The following AGBL4 variants were observed in gnomAD, a reference collection of about 807,000 sequenced individuals.
AGBL4 encodes AGBL carboxypeptidase 4.
AGBL4 carries 58 observed loss-of-function variants against 66.4 expected under a neutral mutation model. The observed-to-expected ratio is 0.87, with a 90% CI of 0.71 to 1.09. AGBL4 has a LOEUF of 1.09. Among genes scored for constraint, AGBL4 ranks in the 50% least tolerant of loss-of-function variants. The pLI, the probability that AGBL4 is intolerant of heterozygous loss-of-function variation, is 0.00. For missense variants in AGBL4, 579 were observed against 631.0 expected (o/e 0.92, Z 0.88); for synonymous variants, 234 against 222.9 (o/e 1.05, Z -0.44).
At chr1:49,349,080 A>G (rs1447891389) in intron 3 of AGBL4, among the ~76,000 whole-genome samples, 1 of 152,220 alleles carries the variant, frequency 6.6e-6, no homozygotes, top group Non-Finnish European at 1.5e-5. Context: ...TTCACATGGC[A>G]TCCTCTGAGT....
Position 49,239,052 on chromosome 1 carries a change from C to T in AGBL4, c.377+6718G>A, listed in dbSNP as rs571004832. 2.6e-5 allele frequency among the ~76,000 whole-genome samples: 4 copies of T among 152,214 alleles called. No individual in the cohort carries two copies. In the South Asian group the frequency reaches 6.2e-4, roughly 24 times the overall value. On this transcript the variant is annotated intron_variant, in intron 4 of 13. Coordinates refer to ENST00000371839, the MANE Select transcript of AGBL4 (RefSeq NM_032785.4). ...ATGTCTACTCCATCATGTCCCGGAACCAGACTGTAATATTTTACCTTTTCT... is the reference window on the plus strand; with the variant it reads ...ATGTCTACTCCATCATGTCCCGGAATCAGACTGTAATATTTTACCTTTTCT...
At chr1:49,271,151 A>G (rs1644049027) in intron 3 of AGBL4, among the ~76,000 whole-genome samples, 1 of 152,132 alleles carries the variant, frequency 6.6e-6, no homozygotes, top group Non-Finnish European at 1.5e-5. Flanking sequence ...TTTGAAGGTA[A>G]CTATTTATTA....
intron 1 of AGBL4, among the ~76,000 whole-genome samples, chr1:49,976,875 A>G (rs1284793511): frequency 6.6e-6 from 1 of 152,146 alleles, no homozygotes; most frequent in Non-Finnish European, 1.5e-5. Context: ...CCATCCCTCT[A>G]AATAGTATGT....
rs569281800 is a variant in AGBL4 at position 49,005,937 on chromosome 1, G to A, written c.594+39647C>T. On this transcript the variant is annotated intron_variant, in intron 5 of 13. Coordinates refer to ENST00000371839, the MANE Select transcript of AGBL4 (RefSeq NM_032785.4). ...AATTGCTTGAACCTGAGAGGCAGAG[G>A]TTGCAGTGAGCCGAGACTGCACCAC... Among the ~76,000 whole-genome samples, 233 of 152,130 alleles carry A rather than the reference G, an allele frequency of 1.5e-3. 4 individuals carry two copies. The highest frequency in any genetic ancestry group is 5.4e-3 in the African/African-American group (226 of 41,504).
At chr1:48,539,075 T>G (rs1003204618) in intron 12 of AGBL4, among the ~76,000 whole-genome samples, 9 of 152,202 alleles carry the variant, frequency 5.9e-5, no homozygotes, top group African/African-American at 2.2e-4. Flanking sequence ...TGACCTTCTC[T>G]CCTCAGCAGC....
rs377061315 is a variant in AGBL4, at chr1:49,859,984, G to A, written c.35-8466C>T. ...TTAAAAATTAAAATCAGTAATATTT[G>A]TAACACCAATAAAATTTATAAATCT... On this transcript the variant is annotated intron_variant, in intron 1 of 13. Transcript: ENST00000371839. Among the ~76,000 whole-genome samples the A allele has an allele frequency of 3.4e-4, 52 of 152,250 alleles. 1 individual carries two copies. In the South Asian group the frequency reaches 9.5e-3, roughly 28 times the overall value.
At chr1:49,208,303 G>A (rs762293409) in intron 4 of AGBL4, among the ~76,000 whole-genome samples, 2 of 151,914 alleles carry the variant, frequency 1.3e-5, no homozygotes, top group Non-Finnish European at 1.5e-5. Context: ...ACTAAAAATT[G>A]ATTTTTTTTC....
intron 3 of AGBL4, among the ~76,000 whole-genome samples, chr1:49,482,901 G>A (rs574593442): frequency 6.6e-6 from 1 of 152,122 alleles, no homozygotes; most frequent in South Asian, 2.1e-4. Context: ...TCAGGAGCAG[G>A]TTATTCAATT....
chr1:49,528,689 T>A (rs1479389678), intron 3 of AGBL4, among the ~76,000 whole-genome samples: 1 of 151,810 alleles, frequency 6.6e-6, no homozygotes, highest in East Asian at 1.9e-4. Flanking sequence ...CAGGAAAAAA[T>A]TTCCAGAGTG....
At chr1:49,638,225 C>T (rs970670298) in intron 3 of AGBL4, among the ~76,000 whole-genome samples, 1 of 152,144 alleles carries the variant, frequency 6.6e-6, no homozygotes, top group Non-Finnish European at 1.5e-5. Context: ...CTCAGTGATG[C>T]TGATACTGAA....
intron 6 of AGBL4, among the ~76,000 whole-genome samples, chr1:48,760,492 T>C (rs1644198777): frequency 6.6e-6 from 1 of 152,214 alleles, no homozygotes; most frequent in Non-Finnish European, 1.5e-5. Flanking sequence ...AAGGTGCTAC[T>C]AGTGTAGATG....
intron 3 of AGBL4, among the ~76,000 whole-genome samples, chr1:49,580,439 ATGGTGCAAT>A (rs1644520648): frequency 6.6e-6 from 1 of 152,078 alleles, no homozygotes; most frequent in African/African-American, 2.4e-5. Flanking sequence ...GAATTCTGTA[ATGGTGCAAT>A]TTGATTCCTT....
At chr1:49,808,628 G>A (rs986954495) in intron 2 of AGBL4, among the ~76,000 whole-genome samples, 18 of 152,112 alleles carry the variant, frequency 1.2e-4, no homozygotes, top group Admixed American at 2.6e-4. Flanking sequence ...TGAATTATCC[G>A]TTTAAGAATA....
chr1:49,633,535 A>G (rs1333070994), intron 3 of AGBL4, among the ~76,000 whole-genome samples: 2 of 152,152 alleles, frequency 1.3e-5, no homozygotes, highest in African/African-American at 4.8e-5. Context: ...TGTGCCTGTA[A>G]GTAATCCCAA....
chr1:49,358,399 T>C (rs1644064646), intron 3 of AGBL4, among the ~76,000 whole-genome samples: 1 of 150,182 alleles, frequency 6.7e-6, no homozygotes, highest in Non-Finnish European at 1.5e-5. Context: ...AAAATGTATA[T>C]AAGCACCAGA....
chr1:48,990,112 T>C (rs931777708), intron 5 of AGBL4, among the ~76,000 whole-genome samples: 9 of 152,220 alleles, frequency 5.9e-5, no homozygotes, highest in Non-Finnish European at 1.3e-4. Context: ...TAGTTTTGGT[T>C]TGCATTTCTC....
chr1:48,544,114 C>T (rs1644121109), intron 11 of AGBL4, among the ~76,000 whole-genome samples: 2 of 152,190 alleles, frequency 1.3e-5, no homozygotes, highest in Non-Finnish European at 2.9e-5. Flanking sequence ...ACTGCAGGCT[C>T]ACTGGGCTCT....
chr1:49,449,511 C>T (rs1239132678), intron 3 of AGBL4, among the ~76,000 whole-genome samples: 1 of 151,944 alleles, frequency 6.6e-6, no homozygotes, highest in Admixed American at 6.6e-5. Flanking sequence ...GCAGAGGAGG[C>T]AGGAAGGGCC....
intron 2 of AGBL4, among the ~76,000 whole-genome samples, chr1:49,772,916 T>G (rs1190286196): frequency 1.3e-5 from 2 of 152,220 alleles, no homozygotes; most frequent in African/African-American, 4.8e-5. Flanking sequence ...ACTATTATTT[T>G]GTTAAATAGG....
Sources: gnomAD v4.1 joint callset for allele counts (sites outside exome capture counted in the v4.1 genomes callset) on GRCh38, gnomAD v4.1.1 for gene constraint, MANE v1.5 for transcripts, NCBI Gene and HGNC (gene_info 2026-07-23, HGNC 2026-07-21) for gene names.